The following ECPAS variants were observed in gnomAD, a reference collection of about 807,000 sequenced individuals.
ECPAS encodes Ecm29 proteasome adaptor and scaffold.
Under a neutral mutation model 255.1 loss-of-function variants are expected in ECPAS, and 70 were observed. The observed-to-expected ratio is 0.27, with a 90% CI of 0.23 to 0.33. The LOEUF (loss-of-function observed/expected upper bound fraction) is 0.33, where lower values mean the gene tolerates loss of function less well. Among genes scored for constraint, ECPAS ranks in the 10% least tolerant of loss-of-function variants. The pLI, the probability that ECPAS is intolerant of heterozygous loss-of-function variation, is 1.00. For missense variants in ECPAS, 1,817 were observed against 2,206.4 expected, an observed-to-expected ratio of 0.82 and a Z score of 3.54; for synonymous variants, 784 against 775.0, an observed-to-expected ratio of 1.01 and a Z score of -0.19.
intron 35 of ECPAS, among the ~76,000 whole-genome samples, chr9:111,379,509 T>C (rs868611157): frequency 6.6e-6 from 1 of 152,190 alleles, no homozygotes; most frequent in Non-Finnish European, 1.5e-5. Flanking sequence ...CAGGGTGGTG[T>C]TTGCTGAATG....
chr9:111,373,766 T>C (rs1292294783), intron 39 of ECPAS, among the ~76,000 whole-genome samples: 1 of 152,124 alleles, frequency 6.6e-6, no homozygotes, highest in Admixed American at 6.5e-5. Flanking sequence ...AATAATCAAA[T>C]GTTTATGAAC....
At chr9:111,408,696 C>T in intron 23 of ECPAS, 24 bp from the exon 24 acceptor site, 3 of 1,461,800 alleles carry the variant, frequency 2.1e-6, no homozygotes, top group Non-Finnish European at 2.8e-6. Context: ...AAATTTTTTT[C>T]TTTTAAACAG....
chr9:111,384,838 T>C (rs918895590), intron 33 of ECPAS, among the ~76,000 whole-genome samples: 3 of 152,222 alleles, frequency 2.0e-5, no homozygotes, highest in African/African-American at 7.2e-5. Context: ...CTAAATGTAT[T>C]ATAAAAGTAA....
At chr9:111,373,449 A>G in intron 39 of ECPAS, 43 bp from the exon 40 acceptor site, 6 of 1,538,242 alleles carry the variant, frequency 3.9e-6, no homozygotes, top group Non-Finnish European at 5.4e-6. Context: ...TTGGTTGACC[A>G]AATGTTCCAC....
At chr9:111,418,530 G>A (rs1361896640) in intron 16 of ECPAS, among the ~76,000 whole-genome samples, 2 of 151,908 alleles carry the variant, frequency 1.3e-5, no homozygotes, top group South Asian at 2.1e-4. Context: ...ACCACATAAA[G>A]GCCTTTTAAT....
chr9:111,483,207 G>A (rs1484515315), intron 1 of ECPAS, among the ~76,000 whole-genome samples: 2 of 151,928 alleles, frequency 1.3e-5, no homozygotes, highest in East Asian at 1.9e-4. Flanking sequence ...GGCTCAGTGG[G>A]CAGGGGGCTG....
intron 24 of ECPAS, among the ~76,000 whole-genome samples, chr9:111,405,672 A>T (rs2098182948): frequency 6.7e-6 from 1 of 150,004 alleles, no homozygotes; most frequent in Non-Finnish European, 1.5e-5. Flanking sequence ...ATACACAATA[A>T]GTAAGGAATT....
In ECPAS at chr9:111,422,038, C is replaced by T. The variant is rs758798643; in HGVS notation, c.1338G>A (p.Glu446=). The T allele has an allele frequency of 4.3e-6, 7 of 1,613,730 alleles. No individual in the cohort carries two copies. The highest frequency in any genetic ancestry group is 1.7e-5 in the Admixed American group (1 of 59,954). ...QQLFEALCKE[E]PETRLAIQEA... is the part of the protein sequence containing the mutation. The stretch of plus-strand genomic sequence containing the variant: ...CTTGAATAGCAAGTCGAGTCTCAGG[C>T]TCTTCCTATAAAGATGATAAAAATG... The change falls in exon 15 of 50, where the codon GAG becomes GAA. Residue 446 remains glutamate, a synonymous_variant. Coordinates refer to ENST00000684092, the MANE Select transcript of ECPAS (RefSeq NM_001364929.1).
At chr9:111,378,458 C>T in intron 36 of ECPAS, 122 bp downstream of exon 36, 1 of 968,900 alleles carries the variant, frequency 1.0e-6, no homozygotes, top group Non-Finnish European at 1.5e-6. Context: ...TAAAACACTG[C>T]ATGTGGTGAC....
intron 1 of ECPAS, among the ~76,000 whole-genome samples, chr9:111,480,374 TG>T (rs1200721468): frequency 2.1e-5 from 3 of 144,250 alleles, no homozygotes; most frequent in Non-Finnish European, 4.5e-5. Context: ...CTTGGCTCAC[TG>T]GAACTTCCAC....
intron 48 of ECPAS, 78 bp downstream of exon 48, chr9:111,366,161 A>C: frequency 1.1e-6 from 1 of 946,058 alleles, no homozygotes; most frequent in Admixed American, 2.2e-5. Context: ...TCCTAAGACA[A>C]AGTAGGAAAT....
At chr9:111,431,535 G>A (rs2098229991) in intron 8 of ECPAS, among the ~76,000 whole-genome samples, 1 of 149,354 alleles carries the variant, frequency 6.7e-6, no homozygotes, top group East Asian at 2.0e-4. Flanking sequence ...TCCAGCCTGT[G>A]TGACAGAGCT....
rs151027667 is a variant in ECPAS, at chr9:111,436,087, C to T, written c.708+853G>A. Among the ~76,000 whole-genome samples the T allele has an allele frequency of 2.8e-3, 423 of 151,044 alleles. 5 individuals carry two copies. The highest frequency in any genetic ancestry group is 9.9e-3 in the African/African-American group (407 of 41,316). Reference sequence around the variant, plus strand: ...AGAAGGAAATCAAATCAATTATATCCCTCACTCAATAAAACATTCTATAAA... The same window carrying T: ...AGAAGGAAATCAAATCAATTATATCTCTCACTCAATAAAACATTCTATAAA... On this transcript the variant is annotated intron_variant, in intron 7 of 49. Transcript: ENST00000684092.
chr9:111,418,031 T>C, intron 16 of ECPAS, 25 bp from the exon 17 acceptor site: 2 of 1,556,514 alleles, frequency 1.3e-6, no homozygotes, highest in Non-Finnish European at 1.7e-6. Flanking sequence ...CAAATAAGAA[T>C]AAAAAATAAA....
chr9:111,418,589 G>A (rs1222454654), intron 16 of ECPAS, among the ~76,000 whole-genome samples: 1 of 151,810 alleles, frequency 6.6e-6, no homozygotes, highest in Non-Finnish European at 1.5e-5. Flanking sequence ...ACACATAAAG[G>A]GCCGAAAAGA....
chr9:111,416,248 A>C (rs1010318921), intron 18 of ECPAS, 24 bp downstream of exon 18: 2 of 1,569,308 alleles, frequency 1.3e-6, no homozygotes, highest in African/African-American at 2.7e-5. Context: ...ACAAAAAGTA[A>C]ATAGAAATAT....
intron 18 of ECPAS, among the ~76,000 whole-genome samples, chr9:111,415,422 A>G (rs950685163): frequency 9.2e-5 from 14 of 152,138 alleles, no homozygotes; most frequent in Admixed American, 3.3e-4. Context: ...GATATAGACC[A>G]GACACAGTGG....
chr9:111,437,403 G>C (rs1018532509), intron 6 of ECPAS, among the ~76,000 whole-genome samples: 8 of 152,102 alleles, frequency 5.3e-5, no homozygotes, highest in East Asian at 1.9e-4. Flanking sequence ...TGCTCTAATG[G>C]CTACTCCAGA....
chr9:111,454,391 T>C (rs968888192), intron 2 of ECPAS, among the ~76,000 whole-genome samples: 1 of 152,144 alleles, frequency 6.6e-6, no homozygotes, highest in Non-Finnish European at 1.5e-5. Context: ...GATGCTTCTA[T>C]GTATGCCCAG....
Sources: allele counts gnomAD v4.1 joint callset (sites outside exome capture counted in the v4.1 genomes callset), GRCh38; gene constraint gnomAD v4.1.1; transcripts MANE v1.5; gene names NCBI Gene and HGNC (gene_info 2026-07-23, HGNC 2026-07-21).